Variants in SCAND3 observed in about 807,000 individuals in gnomAD.
SCAND3 encodes the protein SCAN domain-containing protein 3.
At chr6:28,592,232 C>A in the SCAND3 span, among the ~76,000 whole-genome samples, 1 of 152,074 alleles carries the variant, frequency 6.6e-6, no homozygotes, top group Non-Finnish European at 1.5e-5. The surrounding 1 kb of genome is among the most constrained non-coding windows in gnomAD (Gnocchi z 4.1). Context: ...CTGATAAATT[C>A]AGTAAAGTTG....
chr6:28,578,537 C>T, the SCAND3 span, among the ~76,000 whole-genome samples: 1 of 152,008 alleles, frequency 6.6e-6, no homozygotes, highest in African/African-American at 2.4e-5. Flanking sequence ...TGAAAAAGAC[C>T]ATCCTATGGA....
the SCAND3 span, chr6:28,591,408 A>G: frequency 6.6e-6 from 1 of 152,150 alleles, no homozygotes; most frequent in Non-Finnish European, 1.5e-5. Context: ...CCACCCTTGA[A>G]CAAACTTTAG....
chr6:28,597,460 C>T, the SCAND3 span, among the ~76,000 whole-genome samples: 4 of 151,918 alleles, frequency 2.6e-5, no homozygotes, highest in Non-Finnish European at 2.9e-5. Context: ...TTCCTCCGCA[C>T]AGTTAGTCCT....
the SCAND3 span, among the ~76,000 whole-genome samples, chr6:28,615,600 C>CAA: frequency 6.5e-4 from 75 of 115,674 alleles, no homozygotes; most frequent in Non-Finnish European, 1.1e-3. Flanking sequence ...GACTCCATCT[C>CAA]AAAAAAAAAA....
At chr6:28,603,453 T>C in the SCAND3 span, among the ~76,000 whole-genome samples, 20 of 152,310 alleles carry the variant, frequency 1.3e-4, no homozygotes, top group African/African-American at 4.8e-4. Flanking sequence ...ACATTCTCTC[T>C]GGCTGATTTG....
the SCAND3 span, chr6:28,586,936 G>C: frequency 1.7e-6 from 1 of 571,990 alleles, no homozygotes; most frequent in Non-Finnish European, 3.1e-6. The surrounding 1 kb of genome is among the most constrained non-coding windows in gnomAD (Gnocchi z 4.4). Flanking sequence ...GCCATCCTCT[G>C]AAAAGACCAG....
At chr6:28,586,260 C>A in the SCAND3 span, 5 of 1,534,896 alleles carry the variant, frequency 3.3e-6, no homozygotes, top group Admixed American at 9.8e-5. The surrounding 1 kb of genome is among the most constrained non-coding windows in gnomAD (Gnocchi z 4.4). Flanking sequence ...TCCATGCACC[C>A]AAATTCTCCA....
chr6:28,591,356 T>A, the SCAND3 span: 9 of 152,288 alleles, frequency 5.9e-5, no homozygotes, highest in Admixed American at 2.0e-4. Context: ...TACCAATTCC[T>A]TTAGGAAGCT....
chr6:28,603,009 C>G, the SCAND3 span, among the ~76,000 whole-genome samples: 1 of 132,132 alleles, frequency 7.6e-6, no homozygotes, highest in East Asian at 2.2e-4. Flanking sequence ...GTCGCCCAGG[C>G]TGGAGTGCAG....
chr6:28,596,129 T>C, the SCAND3 span, among the ~76,000 whole-genome samples: 1 of 152,360 alleles, frequency 6.6e-6, no homozygotes, highest in Admixed American at 6.5e-5. Context: ...GTATTACAGA[T>C]ATACACATTC....
At chr6:28,572,378 TATCAAG>T in the SCAND3 span, 9 of 1,612,390 alleles carry the variant, frequency 5.6e-6, no homozygotes, top group Non-Finnish European at 7.6e-6. The surrounding 1 kb of genome is among the most constrained non-coding windows in gnomAD (Gnocchi z 4.1). Context: ...AGATGTGCAA[TATCAAG>T]ATCATTACCT....
chr6:28,582,849 G>C, the SCAND3 span, among the ~76,000 whole-genome samples: 1 of 152,082 alleles, frequency 6.6e-6, no homozygotes, highest in East Asian at 1.9e-4. The surrounding 1 kb of genome is among the most constrained non-coding windows in gnomAD (Gnocchi z 4.8). Context: ...TTGTACCAGG[G>C]AGGCAGAGGT....
At chr6:28,596,576 G>T in the SCAND3 span, among the ~76,000 whole-genome samples, 3 of 151,780 alleles carry the variant, frequency 2.0e-5, no homozygotes, top group Non-Finnish European at 4.4e-5. Flanking sequence ...TCATGTGAAT[G>T]CAGTGCCTAT....
the SCAND3 span, among the ~76,000 whole-genome samples, chr6:28,584,367 A>AT: frequency 2.2e-3 from 336 of 151,448 alleles, 1 homozygote; most frequent in African/African-American, 7.6e-3. Flanking sequence ...GCAATGTTTT[A>AT]TTTTTTTTTA....
chr6:28,587,469 T>A, the SCAND3 span: 2 of 152,242 alleles, frequency 1.3e-5, no homozygotes, highest in Admixed American at 6.5e-5. Flanking sequence ...TACCTAGTTA[T>A]CTGGCATCAC....
the SCAND3 span, chr6:28,575,213 A>T: frequency 1.2e-6 from 2 of 1,614,082 alleles, no homozygotes; most frequent in Non-Finnish European, 1.7e-6. The surrounding 1 kb of genome is among the most constrained non-coding windows in gnomAD (Gnocchi z 4.2). Flanking sequence ...AACCACAAAA[A>T]TTCAGTCCAG....
At chr6:28,589,709 C>A in the SCAND3 span, 4 of 152,044 alleles carry the variant, frequency 2.6e-5, no homozygotes, top group Non-Finnish European at 4.4e-5. Context: ...CCAGCAGCAA[C>A]GTGGAAACCC....
At chr6:28,609,827 G>T in the SCAND3 span, among the ~76,000 whole-genome samples, 1 of 152,192 alleles carries the variant, frequency 6.6e-6, no homozygotes, top group African/African-American at 2.4e-5. Context: ...TTTGTTTAGA[G>T]TAAATATTGG....
chr6:28,587,980 G>C, the SCAND3 span: 2 of 152,188 alleles, frequency 1.3e-5, no homozygotes, highest in African/African-American at 4.8e-5. Flanking sequence ...AGATGCCCAA[G>C]GAATATTTGT....
Sources: gnomAD v4.1 joint callset for allele counts (sites outside exome capture counted in the v4.1 genomes callset) on GRCh38, gnomAD v4.1.1 for gene constraint, Gnocchi (gnomAD v3.1) non-coding constraint, MANE v1.5 for transcripts, NCBI Gene and HGNC (gene_info 2026-07-23, HGNC 2026-07-21) for gene names.